The following LMLN variants were observed in gnomAD, a reference collection of about 807,000 sequenced individuals.
LMLN encodes leishmanolysin-like peptidase.
In LMLN, 70 loss-of-function variants were observed where a neutral mutation model predicts 92.3. The ratio of observed to expected loss-of-function variants is 0.76; its 90% CI spans 0.63 to 0.92. The LOEUF (loss-of-function observed/expected upper bound fraction) is 0.92. Among genes scored for constraint, LMLN ranks in the 40% least tolerant of loss-of-function variants. The pLI, the probability that LMLN is intolerant of heterozygous loss-of-function variation, is 0.00. For missense variants in LMLN, 691 were observed against 814.6 expected (o/e 0.85, Z 1.85); for synonymous variants, 308 against 296.2 (o/e 1.04, Z -0.41).
At chr3:198,017,845 A>G (rs573250592) in intron 11 of LMLN, among the ~76,000 whole-genome samples, 1 of 152,188 alleles carries the variant, frequency 6.6e-6, no homozygotes, top group African/African-American at 2.4e-5. Flanking sequence ...TGAACCCGGG[A>G]GGTGGAGCTT....
At chr3:197,977,678 C>T (rs1721431433) in intron 5 of LMLN, among the ~76,000 whole-genome samples, 1 of 151,524 alleles carries the variant, frequency 6.6e-6, no homozygotes, top group Non-Finnish European at 1.5e-5. Context: ...TGGAAGTATA[C>T]ACACGTTAAA....
chr3:198,011,969 C>G (rs1255327792), intron 11 of LMLN, among the ~76,000 whole-genome samples: 1 of 152,194 alleles, frequency 6.6e-6, no homozygotes, highest in Non-Finnish European at 1.5e-5. Context: ...TTTTTGCAAT[C>G]TACTCATCTG....
chr3:198,013,794 C>G (rs1413255382), intron 11 of LMLN, among the ~76,000 whole-genome samples: 4 of 129,840 alleles, frequency 3.1e-5, no homozygotes, highest in African/African-American at 1.0e-4. Flanking sequence ...TGACTTCTCT[C>G]CACCCTTCAG....
At chr3:198,022,707 T>G (rs749508721) in intron 13 of LMLN, among the ~76,000 whole-genome samples, 2 of 152,050 alleles carry the variant, frequency 1.3e-5, no homozygotes, top group Non-Finnish European at 2.9e-5. Context: ...ATCCAAAAAA[T>G]TAGCCAGGTG....
At chr3:197,987,878 A>G (rs1721756382) in intron 8 of LMLN, among the ~76,000 whole-genome samples, 1 of 151,898 alleles carries the variant, frequency 6.6e-6, no homozygotes, top group South Asian at 2.1e-4. Flanking sequence ...TTGATGGATT[A>G]AAAGATGGTA....
exon 1 of LMLN, chr3:197,960,250 C>T: frequency 3.1e-6 from 5 of 1,611,270 alleles, no homozygotes; most frequent in Non-Finnish European, 4.2e-6. Context: ...CCGAAGATGG[C>T]GGCCGAATGG....
chr3:197,972,931 C>A (rs879125057), intron 1 of LMLN, among the ~76,000 whole-genome samples: 18 of 152,114 alleles, frequency 1.2e-4, no homozygotes, highest in Non-Finnish European at 1.5e-5. Flanking sequence ...TCTCTAACTT[C>A]TAATTTTCTG....
chr3:197,970,319 T>G (rs1721189238), intron 1 of LMLN, among the ~76,000 whole-genome samples: 1 of 152,196 alleles, frequency 6.6e-6, no homozygotes, highest in Non-Finnish European at 1.5e-5. Context: ...GTTTGGTGAT[T>G]GCTAGGTGGC....
chr3:198,030,164 G>T (rs1038585316), intron 14 of LMLN, among the ~76,000 whole-genome samples: 1 of 152,142 alleles, frequency 6.6e-6, no homozygotes, highest in East Asian at 1.9e-4. Flanking sequence ...TTTTTAAAAA[G>T]CTTATATTAT....
intron 8 of LMLN, among the ~76,000 whole-genome samples, chr3:197,989,377 C>T (rs1332899215): frequency 9.9e-5 from 15 of 152,116 alleles, no homozygotes; most frequent in South Asian, 4.2e-4. Flanking sequence ...GAGATTTTTA[C>T]GCTGTCATTT....
intron 8 of LMLN, among the ~76,000 whole-genome samples, chr3:197,988,780 C>A (rs1048441773): frequency 6.6e-6 from 1 of 152,160 alleles, no homozygotes; most frequent in African/African-American, 2.4e-5. Context: ...TTCCCAGGTT[C>A]AAGTGATTCT....
At position 198,031,712 on chromosome 3, in the gene LMLN, C is replaced by T. The variant is rs188378427; in HGVS notation, c.1657-4121C>T. Among the ~76,000 whole-genome samples, 56 of 152,074 alleles carry T rather than the reference C, an allele frequency of 3.7e-4. No homozygotes were observed. The highest frequency in any genetic ancestry group is 9.8e-4 in the Admixed American group (15 of 15,276). On this transcript the variant is annotated intron_variant, in intron 14 of 15. Transcript: ENST00000330198. This position sits in a 1 kb window ranked among gnomAD's most constrained non-coding sequence, Gnocchi z 4.8. The stretch of plus-strand genomic sequence containing the variant: ...AGCTGTAAATTCTTAATTTTAACTT[C>T]GCATACCACATCCTCATCTGCCACA...
At chr3:197,990,477 C>G in intron 8 of LMLN, 82 bp from the exon 9 acceptor site, 1 of 616,554 alleles carries the variant, frequency 1.6e-6, no homozygotes, top group East Asian at 2.9e-5. Context: ...TTTATAAAGA[C>G]TTTTTACAGT....
chr3:197,982,340 C>G (rs778924236), intron 6 of LMLN, among the ~76,000 whole-genome samples: 1 of 151,498 alleles, frequency 6.6e-6, no homozygotes, highest in African/African-American at 2.4e-5. Context: ...ATTCTCCTGC[C>G]TTAGCCTCCT....
At chr3:197,963,136 T>A (rs1261233422) in intron 1 of LMLN, among the ~76,000 whole-genome samples, 1 of 152,132 alleles carries the variant, frequency 6.6e-6, no homozygotes, top group Non-Finnish European at 1.5e-5. Flanking sequence ...ATTGAGGTGA[T>A]GCATAATTTT....
At chr3:197,983,303 CAG>C (rs1721609456) in intron 6 of LMLN, among the ~76,000 whole-genome samples, 1 of 152,072 alleles carries the variant, frequency 6.6e-6, no homozygotes, top group Non-Finnish European at 1.5e-5. Context: ...TTTTGAAAGA[CAG>C]GGAGGCGCAT....
chr3:198,012,786 G>A (rs1419798699), intron 11 of LMLN, among the ~76,000 whole-genome samples: 1 of 149,324 alleles, frequency 6.7e-6, no homozygotes, highest in African/African-American at 2.5e-5. Context: ...TAACTAGTCT[G>A]ACTTCTCTGT....
chr3:198,017,610 A>C (rs369809830), intron 11 of LMLN, among the ~76,000 whole-genome samples: 6 of 152,182 alleles, frequency 3.9e-5, no homozygotes, highest in Admixed American at 3.3e-4. Flanking sequence ...ATTAAAGTTA[A>C]ATACCATTTA....
chr3:198,022,656 G>A (rs1722813987), intron 13 of LMLN, among the ~76,000 whole-genome samples: 1 of 152,150 alleles, frequency 6.6e-6, no homozygotes, highest in Admixed American at 6.6e-5. Flanking sequence ...AGAAGTTTGA[G>A]GCCAGCTGAG....
Sources: gnomAD v4.1 joint callset for allele counts (sites outside exome capture counted in the v4.1 genomes callset) on GRCh38, gnomAD v4.1.1 for gene constraint, Gnocchi (gnomAD v3.1) non-coding constraint, MANE v1.5 for transcripts, NCBI Gene and HGNC (gene_info 2026-07-23, HGNC 2026-07-21) for gene names.